ROR1: variants seen among roughly 807,000 people sequenced by gnomAD.
ROR1 encodes ROR family WNT receptor 1.
A neutral mutation model predicts 78.8 loss-of-function variants in ROR1; 19 were observed. The observed-to-expected ratio is 0.24, with a 90% CI of 0.17 to 0.35. The LOEUF (loss-of-function observed/expected upper bound fraction) is 0.35, where lower values mean the gene tolerates loss of function less well. Ranked by LOEUF, ROR1 falls within the 10% of genes least tolerant of loss-of-function variation. The pLI is 1.00. For synonymous variants in ROR1, 386 were observed against 433.6 expected (o/e 0.89, Z 1.36); for missense variants, 917 against 1,177.8 (o/e 0.78, Z 3.24).
chr1:63,878,242 C>G (rs1645300416), intron 1 of ROR1, among the ~76,000 whole-genome samples: 1 of 152,112 alleles, frequency 6.6e-6, no homozygotes, highest in Non-Finnish European at 1.5e-5. Context: ...TTACAGGACT[C>G]ATGTGGAATG....
At chr1:63,955,020 A>C (rs577210916) in intron 1 of ROR1, among the ~76,000 whole-genome samples, 1 of 152,328 alleles carries the variant, frequency 6.6e-6, no homozygotes, top group East Asian at 1.9e-4. Flanking sequence ...CTGATCCTGC[A>C]AAATGCAAGA....
At chr1:63,811,253 T>C (rs979633485) in intron 1 of ROR1, among the ~76,000 whole-genome samples, 6 of 152,138 alleles carry the variant, frequency 3.9e-5, no homozygotes, top group African/African-American at 1.4e-4. Context: ...TTTCACACAG[T>C]TTGGACCAGT....
At chr1:64,005,473 T>C (rs1646420080) in intron 1 of ROR1, among the ~76,000 whole-genome samples, 1 of 152,220 alleles carries the variant, frequency 6.6e-6, no homozygotes, top group African/African-American at 2.4e-5. Context: ...ATAATGCTTT[T>C]GGTGAAGAGA....
intron 1 of ROR1, among the ~76,000 whole-genome samples, chr1:63,796,000 G>A (rs190367333): frequency 9.9e-5 from 15 of 152,272 alleles, no homozygotes; most frequent in South Asian, 2.1e-4. Flanking sequence ...CTAATCTGTC[G>A]ACACATAGTA....
At chr1:63,990,668 C>T (rs1646288607) in intron 1 of ROR1, among the ~76,000 whole-genome samples, 3 of 152,250 alleles carry the variant, frequency 2.0e-5, no homozygotes, top group South Asian at 2.1e-4. Flanking sequence ...TTGAATGGTG[C>T]TCTGTCCCAG....
chr1:64,125,552 C>T (rs925407821), intron 4 of ROR1, among the ~76,000 whole-genome samples: 1 of 152,118 alleles, frequency 6.6e-6, no homozygotes, highest in Non-Finnish European at 1.5e-5. Context: ...ACTACGAGCC[C>T]CACATAACAG....
chr1:64,009,423 C>A, intron 2 of ROR1, 47 bp downstream of exon 2: 1 of 1,429,172 alleles, frequency 7.0e-7, no homozygotes, highest in Non-Finnish European at 9.9e-7. Context: ...AGGTGTGGAA[C>A]TGTTTTTAAT....
chr1:63,969,041 AG>A, intron 1 of ROR1, among the ~76,000 whole-genome samples: 1 of 152,298 alleles, frequency 6.6e-6, no homozygotes, highest in Middle Eastern at 3.4e-3. Context: ...CTAAGCCTGC[AG>A]GGGGGTGTGG....
chr1:64,091,038 A>T (rs1463532605), intron 4 of ROR1, among the ~76,000 whole-genome samples: 2 of 152,146 alleles, frequency 1.3e-5, no homozygotes, highest in Non-Finnish European at 2.9e-5. Context: ...TACTTTTTTA[A>T]AGATCCTGTA....
At position 64,068,797 on chromosome 1, in the gene ROR1, C is replaced by T. The variant is rs75280108; in HGVS notation, c.482+18081C>T. Among the ~76,000 whole-genome samples the T allele has an allele frequency of 7.0e-3, 1,061 of 152,174 alleles. 10 individuals are homozygous for T. Among genetic ancestry groups the T allele is most frequent in the Admixed American group, 0.029 (440 of 15,290 alleles). On this transcript the variant is annotated intron_variant, in intron 4 of 8. Transcript: ENST00000371079. The stretch of plus-strand genomic sequence containing the variant: ...CAGATGTAGGAGATTATAAAGTACT[C>T]CACAAGTTCCGTTTTACAGGCTGCA...
At chr1:64,174,869 C>A (rs1650334037) in intron 8 of ROR1, among the ~76,000 whole-genome samples, 1 of 152,122 alleles carries the variant, frequency 6.6e-6, no homozygotes, top group African/African-American at 2.4e-5. Context: ...TCATCACCCA[C>A]ACCTTGCTCT....
chr1:63,870,285 G>A (rs1365691323), intron 1 of ROR1, among the ~76,000 whole-genome samples: 2 of 152,100 alleles, frequency 1.3e-5, no homozygotes, highest in Non-Finnish European at 2.9e-5. Context: ...TCCTTAGAGA[G>A]CCCATAATTT....
At chr1:63,958,297 T>C (rs1645999777) in intron 1 of ROR1, among the ~76,000 whole-genome samples, 2 of 152,210 alleles carry the variant, frequency 1.3e-5, no homozygotes, top group Non-Finnish European at 2.9e-5. Context: ...AGTTAACTTA[T>C]TCTTTTTTGT....
intron 1 of ROR1, among the ~76,000 whole-genome samples, chr1:63,959,488 G>T (rs745481020): frequency 6.6e-6 from 1 of 152,216 alleles, no homozygotes; most frequent in Admixed American, 6.5e-5. Context: ...AATGGCTTCA[G>T]TTGATTTCCT....
chr1:63,865,130 A>T (rs1645207181), intron 1 of ROR1, among the ~76,000 whole-genome samples: 1 of 152,190 alleles, frequency 6.6e-6, no homozygotes, highest in African/African-American at 2.4e-5. Flanking sequence ...GCTTCATAGA[A>T]ATTGAGTGCA....
chr1:64,037,143 T>C (rs1201240399), intron 2 of ROR1, among the ~76,000 whole-genome samples: 1 of 152,122 alleles, frequency 6.6e-6, no homozygotes, highest in African/African-American at 2.4e-5. Flanking sequence ...AACATTCTGT[T>C]CTCAGAGGTC....
At chr1:64,173,795 C>T (rs991331732) in intron 8 of ROR1, among the ~76,000 whole-genome samples, 1 of 152,188 alleles carries the variant, frequency 6.6e-6, no homozygotes, top group African/African-American at 2.4e-5. Flanking sequence ...CCACCTCTTC[C>T]TCTTTTCCCA....
intron 4 of ROR1, among the ~76,000 whole-genome samples, chr1:64,073,770 C>A (rs1013567730): frequency 6.6e-6 from 1 of 151,952 alleles, no homozygotes; most frequent in Non-Finnish European, 1.5e-5. Flanking sequence ...GAAGGAAAGC[C>A]ACTAATGGGC....
At position 64,115,701 on chromosome 1, in the gene ROR1, C is replaced by T. The variant is rs1031458528; in HGVS notation, c.483-21668C>T. ...ATTATCATCTGCTTTTGCTCTATCTCTATTCCTGCCTGATGCACCTGAAGG... is the reference window on the plus strand; with the variant it reads ...ATTATCATCTGCTTTTGCTCTATCTTTATTCCTGCCTGATGCACCTGAAGG... On this transcript the variant is annotated intron_variant, in intron 4 of 8. Transcript: ENST00000371079. Among the ~76,000 whole-genome samples, 5 of 152,050 alleles carry T rather than the reference C, an allele frequency of 3.3e-5. No homozygotes were observed. In the South Asian group the frequency reaches 1.0e-3, roughly 32 times the overall value.
Sources: allele counts gnomAD v4.1 joint callset (sites outside exome capture counted in the v4.1 genomes callset), GRCh38; gene constraint gnomAD v4.1.1; transcripts MANE v1.5; gene names NCBI Gene and HGNC (gene_info 2026-07-23, HGNC 2026-07-21).